MSRB3: variants seen among roughly 807,000 people sequenced by gnomAD.
MSRB3 encodes methionine sulfoxide reductase B3, also known as methionine-R-sulfoxide reductase B3.
In MSRB3, 13 loss-of-function variants were observed where a neutral mutation model predicts 21.0. The observed-to-expected ratio is 0.62, with a 90% confidence interval of 0.40 to 0.98. The LOEUF is 0.98. Among genes scored for constraint, MSRB3 ranks in the 50% least tolerant of loss-of-function variants. The pLI is 0.00. For missense variants in MSRB3, 199 were observed against 230.3 expected, an observed-to-expected ratio of 0.86 and a Z score of 0.88; for synonymous variants, 87 against 88.6, an observed-to-expected ratio of 0.98 and a Z score of 0.10.
intron 5 of MSRB3, among the ~76,000 whole-genome samples, chr12:65,408,720 A>G (rs751625397): frequency 8.5e-5 from 13 of 152,128 alleles, no homozygotes; most frequent in Admixed American, 2.6e-4. Flanking sequence ...TGATGAGACA[A>G]CAAAGCTAGA....
chr12:65,464,556 A>G lies in MSRB3; in HGVS notation c.*1234A>G, dbSNP rs911919638. The G allele has an allele frequency of 1.3e-4, 20 of 152,268 alleles. No homozygotes were observed. The highest frequency in any genetic ancestry group is 2.4e-4 in the Non-Finnish European group (16 of 68,066). The allele number at this position is 152,268 out of a possible 1,614,324, so 9.4% of individuals were successfully genotyped here. ...AAGAACGCCTGTCCATCGCCTTTTT[A>G]TAAGTCCTTCTCTCCACACCTAAAA... On this transcript the variant is annotated 3_prime_UTR_variant, in exon 7 of 7. Transcript: ENST00000308259.
chr12:65,400,162 G>A (rs7301260), intron 5 of MSRB3, among the ~76,000 whole-genome samples: 59,137 of 151,728 alleles, frequency 0.39, 11,922 homozygotes, highest in South Asian at 0.57. Flanking sequence ...GTTTGGAATA[G>A]TTTCAGAAGG....
At chr12:65,398,911 G>C (rs1012626807) in intron 5 of MSRB3, among the ~76,000 whole-genome samples, 1 of 152,042 alleles carries the variant, frequency 6.6e-6, no homozygotes, top group African/African-American at 2.4e-5. Flanking sequence ...AAGATCAGAG[G>C]GTTGTAGGTG....
chr12:65,399,333 G>A (rs1423091459), intron 5 of MSRB3, among the ~76,000 whole-genome samples: 1 of 152,168 alleles, frequency 6.6e-6, no homozygotes, highest in East Asian at 1.9e-4. Context: ...ACCATTGTAA[G>A]TTGTTTTCCT....
At chr12:65,309,765 A>C (rs1337157011) in intron 2 of MSRB3, among the ~76,000 whole-genome samples, 1 of 152,128 alleles carries the variant, frequency 6.6e-6, no homozygotes, top group Non-Finnish European at 1.5e-5. Context: ...GGTGGTGGGG[A>C]GGCCGTTTTT....
At chr12:65,435,802 G>A (rs1882089133) in intron 5 of MSRB3, among the ~76,000 whole-genome samples, 1 of 151,848 alleles carries the variant, frequency 6.6e-6, no homozygotes, top group South Asian at 2.1e-4. Context: ...TAAAAGATAA[G>A]GCTAGAGTTA....
chr12:65,396,704 A>AAAAAG lies in MSRB3; in HGVS notation c.292+27681_292+27682insAGAAA, dbSNP rs1383726558. The stretch of plus-strand genomic sequence containing the variant: ...GAAACTCCATCTCAAAAAAAAAAAA[A>AAAAAG]AAAGAAAGAAAGAAAGAAAGAAAGA... On this transcript the variant is annotated intron_variant, in intron 5 of 6. Coordinates refer to ENST00000308259, the MANE Select transcript of MSRB3 (RefSeq NM_001031679.3). 1.0e-3 allele frequency among the ~76,000 whole-genome samples: 55 copies of AAAAAG among 54,134 alleles called. 1 individual carries two copies. Among genetic ancestry groups the AAAAAG allele is most frequent in the Admixed American group, 4.3e-3 (17 of 3,948 alleles). 35.5% of individuals were successfully genotyped at this position (54,134 alleles called of 152,430 possible).
At chr12:65,406,534 A>G (rs1288427759) in intron 5 of MSRB3, among the ~76,000 whole-genome samples, 4 of 152,232 alleles carry the variant, frequency 2.6e-5, no homozygotes, top group Non-Finnish European at 2.9e-5. Context: ...TACAGAGTCA[A>G]TGCAATGTCT....
chr12:65,316,633 A>G (rs1266302507), intron 2 of MSRB3, among the ~76,000 whole-genome samples: 1 of 152,180 alleles, frequency 6.6e-6, no homozygotes, highest in Non-Finnish European at 1.5e-5. Flanking sequence ...GTCACATTAC[A>G]AGTAATGTGA....
chr12:65,339,352 A>G (rs1158568173), intron 4 of MSRB3, among the ~76,000 whole-genome samples: 1 of 152,252 alleles, frequency 6.6e-6, no homozygotes, highest in African/African-American at 2.4e-5. Flanking sequence ...TCCCTGGGGC[A>G]AAATTGTCTC....
intron 5 of MSRB3, among the ~76,000 whole-genome samples, chr12:65,451,122 C>G (rs570838456): frequency 6.6e-6 from 1 of 152,150 alleles, no homozygotes; most frequent in Non-Finnish European, 1.5e-5. Context: ...GTTACAGTCT[C>G]CAGCGTGGTT....
chr12:65,427,372 G>A (rs192954135), intron 5 of MSRB3, among the ~76,000 whole-genome samples: 2 of 152,134 alleles, frequency 1.3e-5, no homozygotes, highest in Non-Finnish European at 2.9e-5. Context: ...GGGTTTCTGG[G>A]TTTTCTGTGT....
In MSRB3 at chr12:65,429,666, C is replaced by T. The variant is rs144249188; in HGVS notation, c.293-24062C>T. On this transcript the variant is annotated intron_variant, in intron 5 of 6. Transcript: ENST00000308259. ...AAGAGTAAGAGTGTCATACATTTCT[C>T]TCCAGTTTTATTAGTGGGATTTTAC... Among the ~76,000 whole-genome samples, 1,337 of 152,240 alleles carry T rather than the reference C, an allele frequency of 8.8e-3. 20 individuals carry two copies. The highest frequency in any genetic ancestry group is 0.03 in the African/African-American group (1,264 of 41,536).
chr12:65,282,676 G>GTTTTTTTTTTTTTT (rs796149617), intron 1 of MSRB3, among the ~76,000 whole-genome samples: 8 of 133,768 alleles, frequency 6.0e-5, no homozygotes, highest in Non-Finnish European at 9.6e-5. Context: ...CTTTGCTGGT[G>GTTTTTTTTTTTTTT]TTTTTTTTTT....
chr12:65,299,609 G>A (rs187171222), intron 1 of MSRB3, among the ~76,000 whole-genome samples: 1 of 152,298 alleles, frequency 6.6e-6, no homozygotes, highest in East Asian at 1.9e-4. Flanking sequence ...TGAGAAATGA[G>A]GCTGTATGTT....
At chr12:65,430,224 A>G (rs1881811116) in intron 5 of MSRB3, among the ~76,000 whole-genome samples, 1 of 152,174 alleles carries the variant, frequency 6.6e-6, no homozygotes, top group Admixed American at 6.6e-5. Flanking sequence ...AATACATCAC[A>G]CATTCTCTTG....
chr12:65,282,866 T>A (rs1872123132), intron 1 of MSRB3, among the ~76,000 whole-genome samples: 1 of 152,206 alleles, frequency 6.6e-6, no homozygotes, highest in Non-Finnish European at 1.5e-5. Context: ...CTTCTAATTC[T>A]AGAGTATCTG....
chr12:65,411,873 G>A (rs1880733631), intron 5 of MSRB3, among the ~76,000 whole-genome samples: 2 of 151,146 alleles, frequency 1.3e-5, no homozygotes, highest in Admixed American at 1.3e-4. Flanking sequence ...CATAGGATGT[G>A]ATTTTTCATT....
rs560043557 is a variant in MSRB3 at position 65,337,273 on chromosome 12, A to C, written c.263+8670A>C. On this transcript the variant is annotated intron_variant, in intron 4 of 6. Transcript: ENST00000308259. ...AAACAAAAAACAAAACAAAACAAAA[A>C]AAAACCAAAAATCAGCTGGGCATGG... 1.9e-3 allele frequency among the ~76,000 whole-genome samples: 292 copies of C among 151,800 alleles called. 2 individuals carry two copies. Among genetic ancestry groups the C allele is most frequent in the African/African-American group, 6.0e-3 (249 of 41,318 alleles).
Sources: gnomAD v4.1 joint callset for allele counts (sites outside exome capture counted in the v4.1 genomes callset) on GRCh38, gnomAD v4.1.1 for gene constraint, MANE v1.5 for transcripts, NCBI Gene and HGNC (gene_info 2026-07-23, HGNC 2026-07-21) for gene names.